The following GPC3 variants were observed in gnomAD, a reference collection of about 807,000 sequenced individuals.
The protein encoded by GPC3 is glypican-3.
In GPC3, 3 loss-of-function variants were observed where a neutral mutation model predicts 34.4. That is an observed-to-expected ratio of 0.09 (90% CI 0.04 to 0.23). GPC3 has a LOEUF of 0.23. Ranked by LOEUF, GPC3 falls within the 10% of genes least tolerant of loss-of-function variation. GPC3 has a pLI of 1.00. For missense variants in GPC3, 351 were observed against 445.6 expected, an observed-to-expected ratio of 0.79 and a Z score of 1.91; for synonymous variants, 177 against 174.0, an observed-to-expected ratio of 1.02 and a Z score of -0.13.
intron 2 of GPC3, among the ~76,000 whole-genome samples, chrX:133,868,878 C>T (rs1006903384): frequency 8.9e-6 from 1 of 111,846 alleles, no homozygotes; most frequent in East Asian, 2.8e-4. Flanking sequence ...CCCCTCCTCC[C>T]CATCTGTATC....
At position 133,549,799 on chromosome X, in the gene GPC3, C is replaced by CT. The variant is rs773742402; in HGVS notation, c.1574-13507dup. ...TCTCTCTCCCTCCCTCCCTGTCCTT[C>CT]TTTTTCTCCTTCCCTCCCTCTCTCT... On this transcript the variant is annotated intron_variant, in intron 7 of 7. Transcript: ENST00000370818. Among the ~76,000 whole-genome samples the CT allele has an allele frequency of 1.5e-3, 138 of 94,290 alleles. 1 individual carries two copies. Among genetic ancestry groups the CT allele is most frequent in the African/African-American group, 5.3e-3 (133 of 25,256 alleles). 81.9% of individuals were successfully genotyped at this position (94,290 alleles called of 115,157 possible).
intron 2 of GPC3, among the ~76,000 whole-genome samples, chrX:133,939,531 G>A (rs1216566359): frequency 9.0e-6 from 1 of 111,463 alleles, no homozygotes; most frequent in Admixed American, 9.6e-5. Flanking sequence ...GGCCAAGAAA[G>A]AGAGGCCCTG....
intron 2 of GPC3, among the ~76,000 whole-genome samples, chrX:133,795,215 G>A (rs776167471): frequency 5.3e-5 from 6 of 112,477 alleles, no homozygotes; most frequent in South Asian, 3.7e-4. Flanking sequence ...TGATATAATC[G>A]AAAGAAACAA....
intron 6 of GPC3, among the ~76,000 whole-genome samples, chrX:133,635,188 T>C (rs2070407155): frequency 1.8e-5 from 2 of 112,085 alleles, no homozygotes; most frequent in African/African-American, 3.2e-5. Context: ...ATGAGTAAAC[T>C]CCTTGCTCTG....
rs151089923 is a variant in GPC3 at position 133,821,628 on chromosome X, C to T, written c.338-67452G>A. ...TCTGACTGGGCCTCAGCTCCCTCAT[C>T]CACATAACAAAAGGTAATAATACCT... On this transcript the variant is annotated intron_variant, in intron 2 of 7. Coordinates refer to ENST00000370818, the MANE Select transcript of GPC3 (RefSeq NM_004484.4). Among the ~76,000 whole-genome samples, 1,014 of 111,563 alleles carry T rather than the reference C, an allele frequency of 9.1e-3. 15 individuals carry two copies. The highest frequency in any genetic ancestry group is 0.031 in the African/African-American group (959 of 30,647).
At chrX:133,861,842 C>CCAGAAGCAGATGCTAGCA (rs1332969293) in intron 2 of GPC3, among the ~76,000 whole-genome samples, 1 of 111,404 alleles carries the variant, frequency 9.0e-6, no homozygotes, top group Non-Finnish European at 1.9e-5. Flanking sequence ...TGAGGCCTCC[C>CCAGAAGCAGATGCTAGCA]CAGAAGCAGA....
chrX:133,700,410 G>A (rs2071156997), intron 3 of GPC3, among the ~76,000 whole-genome samples: 1 of 111,900 alleles, frequency 8.9e-6, no homozygotes, highest in South Asian at 3.8e-4. Flanking sequence ...AGGAAGAACT[G>A]GTGCAGAAGA....
intron 7 of GPC3, among the ~76,000 whole-genome samples, chrX:133,557,015 C>T (rs1182903726): frequency 1.8e-5 from 2 of 111,019 alleles, no homozygotes; most frequent in African/African-American, 6.5e-5. Flanking sequence ...TTTAAGGGGC[C>T]GGGCATGGTG....
intron 2 of GPC3, among the ~76,000 whole-genome samples, chrX:133,779,395 T>G (rs1194137983): frequency 8.9e-6 from 1 of 111,991 alleles, no homozygotes; most frequent in Non-Finnish European, 1.9e-5. Flanking sequence ...ACACAACCTT[T>G]CCAATCCTGG....
At chrX:133,608,620 G>A (rs996178064) in intron 6 of GPC3, among the ~76,000 whole-genome samples, 2 of 111,977 alleles carry the variant, frequency 1.8e-5, no homozygotes, top group African/African-American at 6.5e-5. Flanking sequence ...ATGAACCACA[G>A]CAGCCATGTC....
chrX:133,942,104 A>G (rs923355747), intron 2 of GPC3, among the ~76,000 whole-genome samples: 1 of 111,983 alleles, frequency 8.9e-6, no homozygotes, highest in Non-Finnish European at 1.9e-5. Flanking sequence ...TGCCTGTATC[A>G]AAACATCTAA....
intron 3 of GPC3, among the ~76,000 whole-genome samples, 159 bp downstream of exon 3, chrX:133,753,323 G>A (rs961130131): frequency 1.8e-5 from 2 of 111,283 alleles, no homozygotes; most frequent in African/African-American, 6.5e-5. Context: ...CATAGCCTGT[G>A]GTCTTAATAT....
At chrX:133,963,977 G>A (rs1386969104) in intron 1 of GPC3, among the ~76,000 whole-genome samples, 1 of 111,133 alleles carries the variant, frequency 9.0e-6, no homozygotes, top group Non-Finnish European at 1.9e-5. Context: ...CTAGGTAGGA[G>A]GGAGGCTGAA....
intron 1 of GPC3, among the ~76,000 whole-genome samples, chrX:133,981,399 GC>G (rs1182284116): frequency 8.9e-6 from 1 of 111,898 alleles, no homozygotes; most frequent in Non-Finnish European, 1.9e-5. Context: ...AGCCCAAGGT[GC>G]CCCACCAATC....
intron 7 of GPC3, among the ~76,000 whole-genome samples, chrX:133,540,978 T>A (rs928374375): frequency 1.2e-5 from 1 of 80,831 alleles, no homozygotes; most frequent in Admixed American, 1.4e-4. Flanking sequence ...GGGGAAGAGG[T>A]GGTGGGAGAT....
chrX:133,648,977 C>T (rs944145554), intron 6 of GPC3, among the ~76,000 whole-genome samples: 13 of 112,239 alleles, frequency 1.2e-4, no homozygotes, highest in African/African-American at 3.6e-4. Context: ...TTATGACACA[C>T]TGTGCCTTGG....
At chrX:133,551,223 C>G (rs1022224009) in intron 7 of GPC3, among the ~76,000 whole-genome samples, 1 of 106,261 alleles carries the variant, frequency 9.4e-6, no homozygotes, top group African/African-American at 3.4e-5. Flanking sequence ...GTTTCAGTGC[C>G]TGTCTCTGTG....
At chrX:133,753,363 C>A (rs2071685410) in intron 3 of GPC3, 119 bp downstream of exon 3, 2 of 573,740 alleles carry the variant, frequency 3.5e-6, no homozygotes, top group African/African-American at 2.2e-5. Flanking sequence ...TCATTCAGTC[C>A]ATCATCACCC....
At chrX:133,793,508 C>T (rs1023521970) in intron 2 of GPC3, among the ~76,000 whole-genome samples, 2 of 111,437 alleles carry the variant, frequency 1.8e-5, no homozygotes, top group Admixed American at 9.5e-5. Flanking sequence ...ACCCTTAAAG[C>T]GAAACAGATT....
Sources: gnomAD v4.1 joint callset for allele counts (sites outside exome capture counted in the v4.1 genomes callset) on GRCh38, gnomAD v4.1.1 for gene constraint, MANE v1.5 for transcripts, NCBI Gene and HGNC (gene_info 2026-07-23, HGNC 2026-07-21) for gene names.